GLIS1: variants seen among roughly 807,000 people sequenced by gnomAD.
GLIS1 encodes zinc finger protein GLIS1.
In GLIS1, 24 loss-of-function variants were observed where a neutral mutation model predicts 63.8. That is an observed-to-expected ratio of 0.38 (90% CI 0.27 to 0.53). The LOEUF (loss-of-function observed/expected upper bound fraction) is 0.53, where lower values mean the gene tolerates loss of function less well. GLIS1 is among the 20% of genes least tolerant of loss of function. The pLI is 0.85. For synonymous variants in GLIS1, 450 were observed against 482.5 expected, an observed-to-expected ratio of 0.93 and a Z score of 0.88; for missense variants, 1,036 against 1,074.1, an observed-to-expected ratio of 0.96 and a Z score of 0.50.
At chr1:53,726,847 G>A (rs1367050880) in intron 2 of GLIS1, among the ~76,000 whole-genome samples, 1 of 152,188 alleles carries the variant, frequency 6.6e-6, no homozygotes, top group African/African-American at 2.4e-5. Flanking sequence ...TTAAAAAGCA[G>A]AATCTGGGAA....
intron 2 of GLIS1, among the ~76,000 whole-genome samples, chr1:53,720,810 G>A (rs1646746363): frequency 6.6e-6 from 1 of 152,094 alleles, no homozygotes; most frequent in South Asian, 2.1e-4. Flanking sequence ...CTGAGCCTGG[G>A]CAACACAGTG....
chr1:53,519,574 G>T (rs1163468875), intron 7 of GLIS1, among the ~76,000 whole-genome samples: 2 of 152,176 alleles, frequency 1.3e-5, no homozygotes, highest in Admixed American at 6.5e-5. Context: ...GAATCCAAAG[G>T]CCACGCTGCC....
chr1:53,696,705 C>G (rs998125330), intron 2 of GLIS1, among the ~76,000 whole-genome samples: 1 of 152,166 alleles, frequency 6.6e-6, no homozygotes, highest in Admixed American at 6.5e-5. Flanking sequence ...CACTGCTGTC[C>G]TCATACGTGC....
chr1:53,593,890 G>C lies in GLIS1; in HGVS notation c.1320+218C>G, dbSNP rs558567261. ...CTCAGGGTGGGGGACTGGGCACCTA[G>C]TGAGTATGAGGGCCCCTCTGCCACG... On this transcript the variant is annotated intron_variant, in intron 4 of 10. Transcript: ENST00000628545. Among the ~76,000 whole-genome samples the C allele has an allele frequency of 8.5e-5, 13 of 152,354 alleles. No individual in the cohort carries two copies. In the East Asian group the frequency reaches 2.5e-3, roughly 29 times the overall value.
rs146646437 is a variant in GLIS1 at position 53,545,792 on chromosome 1, C to G, written c.1321-15840G>C. Among the ~76,000 whole-genome samples the G allele has an allele frequency of 5.3e-3, 802 of 152,320 alleles. 6 individuals are homozygous for G. The highest frequency in any genetic ancestry group is 0.018 in the African/African-American group (750 of 41,562). On this transcript the variant is annotated intron_variant, in intron 4 of 10. Coordinates refer to ENST00000628545, the MANE Select transcript of GLIS1 (RefSeq NM_001367484.1). ...ATACTTTCATGGACAGATTTAGTCACAATTCTAGACTTCTTGCCTAGTGCT... is the reference window on the plus strand; with the variant it reads ...ATACTTTCATGGACAGATTTAGTCAGAATTCTAGACTTCTTGCCTAGTGCT...
At chr1:53,596,650 C>G (rs1028220753) in intron 3 of GLIS1, among the ~76,000 whole-genome samples, 2 of 152,176 alleles carry the variant, frequency 1.3e-5, no homozygotes, top group Admixed American at 6.5e-5. Flanking sequence ...GTGGGGTCAT[C>G]ACCTGTCCCT....
At chr1:53,550,812 C>T (rs1429136496) in intron 4 of GLIS1, among the ~76,000 whole-genome samples, 1 of 152,152 alleles carries the variant, frequency 6.6e-6, no homozygotes, top group African/African-American at 2.4e-5. Flanking sequence ...GTGACAGGTT[C>T]AGACGCTCCC....
At chr1:53,663,765 G>T (rs113613881) in intron 2 of GLIS1, among the ~76,000 whole-genome samples, 38 of 152,360 alleles carry the variant, frequency 2.5e-4, no homozygotes, top group Non-Finnish European at 4.3e-4. Flanking sequence ...CTCTCTCGGG[G>T]TCAGGACAAA....
chr1:53,686,405 A>C (rs1646337698), intron 2 of GLIS1, among the ~76,000 whole-genome samples: 1 of 152,184 alleles, frequency 6.6e-6, no homozygotes, highest in African/African-American at 2.4e-5. Context: ...CTTTGTTCTC[A>C]TCCGCAGTGC....
chr1:53,667,176 G>A (rs1646102380), intron 2 of GLIS1, among the ~76,000 whole-genome samples: 1 of 152,206 alleles, frequency 6.6e-6, no homozygotes, highest in Non-Finnish European at 1.5e-5. Context: ...ACATGTGTGT[G>A]CCACTCCGGA....
intron 2 of GLIS1, among the ~76,000 whole-genome samples, chr1:53,700,853 A>G (rs1301749592): frequency 6.6e-6 from 1 of 152,192 alleles, no homozygotes. Context: ...AGGACATTTC[A>G]TGTTAATGGA....
At chr1:53,628,116 C>T (rs1297086968) in intron 2 of GLIS1, among the ~76,000 whole-genome samples, 1 of 150,964 alleles carries the variant, frequency 6.6e-6, no homozygotes, top group African/African-American at 2.4e-5. Flanking sequence ...TTCTCCAGAG[C>T]CAGGCCTTTA....
chr1:53,580,583 C>T, intron 4 of GLIS1, among the ~76,000 whole-genome samples: 1 of 152,158 alleles, frequency 6.6e-6, no homozygotes, highest in East Asian at 1.9e-4. Context: ...CTGATGCTGA[C>T]AGAGGGTACC....
chr1:53,580,756 T>TTTCC (rs1023041018), intron 4 of GLIS1, among the ~76,000 whole-genome samples: 2 of 152,150 alleles, frequency 1.3e-5, no homozygotes, highest in African/African-American at 4.8e-5. Context: ...CCAATGCCGC[T>TTTCC]TTCCTTCCTT....
intron 6 of GLIS1, among the ~76,000 whole-genome samples, chr1:53,521,668 T>A (rs941607990): frequency 1.2e-4 from 18 of 152,264 alleles, no homozygotes; most frequent in Admixed American, 7.8e-4. Context: ...GCACGATGGA[T>A]CAGTATATAG....
intron 2 of GLIS1, among the ~76,000 whole-genome samples, chr1:53,710,374 T>A (rs1207822668): frequency 1.3e-5 from 2 of 152,246 alleles, no homozygotes; most frequent in East Asian, 3.9e-4. Flanking sequence ...ACGTGTCACA[T>A]CCTCTCGCAT....
chr1:53,522,754 AT>A (rs889435007), intron 6 of GLIS1, among the ~76,000 whole-genome samples: 42 of 152,108 alleles, frequency 2.8e-4, no homozygotes, highest in African/African-American at 9.2e-4. Flanking sequence ...TACAAAAAAA[AT>A]ATATTAAAAA....
In GLIS1 at chr1:53,594,108, C is replaced by T. The variant is rs1367175471; in HGVS notation, c.1320G>A (p.Met440Ile). The change falls in exon 4 of 11, where the codon ATG becomes ATA. Residue 440 changes from methionine (M) to isoleucine (I), a missense_variant and splice_region_variant. Met to Ile is a conservative substitution (Grantham distance 10). Around this residue, in one of 3 missense-constraint regions of GLIS1, gnomAD observed 592 missense variants for 593.9 expected, o/e 1.00. Coordinates refer to ENST00000628545, the MANE Select transcript of GLIS1 (RefSeq NM_001367484.1). ...GGCCTGGCGGCCGGTGGGAACTCAC[C>T]ATGCACTTGTTGGGCTTCTCGCCCG... is the stretch of plus-strand genomic sequence containing the variant. ...VHSGEKPNKCMFEGCSKAFSR... is the reference protein window; with the variant it reads ...VHSGEKPNKCIFEGCSKAFSR... 2 of 1,606,462 alleles carry T rather than the reference C, an allele frequency of 1.2e-6. No homozygotes were observed. Among genetic ancestry groups the T allele is most frequent in the South Asian group, 1.1e-5 (1 of 90,422 alleles).
At chr1:53,709,377 CATATATACATATATAT>C in intron 2 of GLIS1, among the ~76,000 whole-genome samples, 1 of 59,012 alleles carries the variant, frequency 1.7e-5, no homozygotes, top group African/African-American at 6.9e-5. Flanking sequence ...TATATATATA[CATATATACATATATAT>C]ACATATACAT....
Sources: gnomAD v4.1 joint callset for allele counts (sites outside exome capture counted in the v4.1 genomes callset) on GRCh38, gnomAD v4.1.1 for gene constraint, gnomAD v4.1.1 regional missense constraint, MANE v1.5 for transcripts, NCBI Gene and HGNC (gene_info 2026-07-23, HGNC 2026-07-21) for gene names.